Variants in COQ5 observed in about 807,000 individuals in gnomAD.
COQ5 encodes 2-methoxy-6-polyprenyl-1,4-benzoquinol methylase, mitochondrial.
In COQ5, 27 loss-of-function variants were observed where a neutral mutation model predicts 40.5. That is an observed-to-expected ratio of 0.67 (90% CI 0.49 to 0.92). COQ5 has a LOEUF of 0.92. Ranked by LOEUF, COQ5 falls within the 40% of genes least tolerant of loss-of-function variation. The probability of loss-of-function intolerance (pLI) is 0.00; values close to 1 mark genes in which losing one functional copy is unlikely to be tolerated. For synonymous variants in COQ5, 141 were observed against 150.0 expected, an observed-to-expected ratio of 0.94 and a Z score of 0.44; for missense variants, 409 against 406.4, an observed-to-expected ratio of 1.01 and a Z score of -0.06.
In COQ5 at chr12:120,529,117, G is replaced by A. The variant is rs750386888; in HGVS notation, c.25C>T (p.Leu9=). MAAPGSCA[L]WSYCGRGWSR... ...CACCCACGGCCGCAATAGCTCCATA[G>A]AGCACAGCTCCCGGGGGCCGCCATC... The change falls in exon 1 of 7, where the codon CTA becomes TTA. Residue 9 remains leucine, a synonymous_variant. Coordinates refer to ENST00000288532, the MANE Select transcript of COQ5 (RefSeq NM_032314.4). 6.2e-6 allele frequency: 10 copies of A among 1,613,874 alleles called. No homozygotes were observed. Among genetic ancestry groups the A allele is most frequent in the South Asian group, 3.3e-5 (3 of 91,090 alleles).
chr12:120,512,745 T>C (rs901705349), intron 3 of COQ5, among the ~76,000 whole-genome samples: 3 of 152,120 alleles, frequency 2.0e-5, no homozygotes, highest in Non-Finnish European at 2.9e-5. Flanking sequence ...GAATTATGGT[T>C]AACATTTACT....
rs750062998 is a variant in COQ5, at chr12:120,516,806, G to A, written c.353-18C>T. 1.3e-6 allele frequency: 2 copies of A among 1,598,034 alleles called. No homozygotes were observed. The highest frequency in any genetic ancestry group is 2.2e-5 in the East Asian group (1 of 44,826). The stretch of plus-strand genomic sequence containing the variant: ...AATGTCACCTGTGGGAAGCCAACAT[G>A]AGGAAAGATGCAGACTAAAACAAAA... On this transcript the variant is annotated intron_variant, in intron 2 of 6. Transcript: ENST00000288532.
intron 1 of COQ5, chr12:120,523,153 A>G (rs1386503677): frequency 3.8e-6 from 1 of 262,488 alleles, no homozygotes; most frequent in Non-Finnish European, 7.1e-6. Context: ...CCTGGCTAAC[A>G]TGGTGAAACC....
intron 1 of COQ5, among the ~76,000 whole-genome samples, chr12:120,528,664 C>A (rs1870078180): frequency 6.6e-6 from 1 of 151,924 alleles, no homozygotes; most frequent in South Asian, 2.1e-4. Context: ...GTTAGCCGGG[C>A]GTGCTGGCGG....
rs1194243539 is a variant in COQ5 at position 120,503,508 on chromosome 12, C to T, written c.*276G>A. 2 of 571,818 alleles carry T rather than the reference C, an allele frequency of 3.5e-6. No homozygotes were observed. The highest frequency in any genetic ancestry group is 4.0e-5 in the East Asian group (1 of 24,918). The allele number at this position is 571,818 out of a possible 1,614,324, so 35.4% of individuals were successfully genotyped here. On this transcript the variant is annotated 3_prime_UTR_variant, in exon 7 of 7. Coordinates refer to ENST00000288532, the MANE Select transcript of COQ5 (RefSeq NM_032314.4). ...AAACTGAGCTTTAGGGGTGGTTGTA[C>T]CTTAACCACACACCCTACAGCCAAG...
At chr12:120,520,143 A>T (rs1009256533) in intron 2 of COQ5, among the ~76,000 whole-genome samples, 11 of 150,734 alleles carry the variant, frequency 7.3e-5, no homozygotes, top group South Asian at 2.1e-4. Context: ...GTATTTATTT[A>T]TTATTATTAT....
At position 120,528,798 on chromosome 12, in the gene COQ5, CT is replaced by C. The variant is rs1384800798; in HGVS notation, c.202+141del. ...CAGTGTGGGCAACAAGAGCGAAATT[CT>C]GTCTCCAAAAAAAAAAAAAATCATA... is the stretch of plus-strand genomic sequence containing the variant. On this transcript the variant is annotated intron_variant, in intron 1 of 6. Coordinates refer to ENST00000288532, the MANE Select transcript of COQ5 (RefSeq NM_032314.4). The C allele has an allele frequency of 1.5e-5, 12 of 783,116 alleles. No homozygotes were observed. The African/African-American group carries it at 1.8e-4, about 12-fold the overall frequency. The allele number at this position is 783,116 out of a possible 1,614,324, so 48.5% of individuals were successfully genotyped here.
chr12:120,520,293 G>A (rs1026423941), intron 2 of COQ5, among the ~76,000 whole-genome samples: 13 of 149,198 alleles, frequency 8.7e-5, no homozygotes, highest in African/African-American at 1.2e-4. Context: ...ACAGACGCCC[G>A]CCACCTTGCC....
intron 2 of COQ5, among the ~76,000 whole-genome samples, chr12:120,517,108 AGGCTGAGACTGG>A (rs1449987067): frequency 6.6e-6 from 1 of 152,048 alleles, no homozygotes; most frequent in Non-Finnish European, 1.5e-5. Context: ...GCACTTTGGG[AGGCTGAGACTGG>A]GGGATCACCT....
At chr12:120,520,949 C>G (rs943111537) in intron 2 of COQ5, among the ~76,000 whole-genome samples, 1 of 151,730 alleles carries the variant, frequency 6.6e-6, no homozygotes, top group Non-Finnish European at 1.5e-5. Flanking sequence ...AAAGGCTTCT[C>G]TCATCCCCTA....
At chr12:120,518,668 A>G (rs954272560) in intron 2 of COQ5, among the ~76,000 whole-genome samples, 5 of 151,768 alleles carry the variant, frequency 3.3e-5, no homozygotes, top group African/African-American at 1.2e-4. Flanking sequence ...AGGTTAAAGC[A>G]ATTCTCCTGC....
chr12:120,521,825 C>T (rs773101450), intron 2 of COQ5, among the ~76,000 whole-genome samples: 2 of 152,056 alleles, frequency 1.3e-5, no homozygotes, highest in African/African-American at 2.4e-5. Context: ...AGTGAAACCC[C>T]GTCTCTACTA....
At chr12:120,521,271 TG>T (rs1207662286) in intron 2 of COQ5, among the ~76,000 whole-genome samples, 1 of 152,022 alleles carries the variant, frequency 6.6e-6, no homozygotes, top group Non-Finnish European at 1.5e-5. Flanking sequence ...TTCACCATGT[TG>T]GCCAGTCTGG....
intron 3 of COQ5, among the ~76,000 whole-genome samples, chr12:120,514,426 G>A (rs1026218171): frequency 3.3e-5 from 5 of 152,070 alleles, no homozygotes; most frequent in African/African-American, 1.2e-4. Flanking sequence ...TGGCCAGCAT[G>A]GAAGAGGGCA....
intron 2 of COQ5, among the ~76,000 whole-genome samples, chr12:120,517,653 G>A (rs952543358): frequency 6.6e-6 from 1 of 150,442 alleles, no homozygotes; most frequent in Non-Finnish European, 1.5e-5. Flanking sequence ...CTGCACTCCA[G>A]CCTGGGCGAC....
chr12:120,508,748 AGGCGTGGT>A (rs1868995010), intron 4 of COQ5, among the ~76,000 whole-genome samples: 1 of 151,976 alleles, frequency 6.6e-6, no homozygotes, highest in African/African-American at 2.4e-5. Flanking sequence ...TTTTTTCCCC[AGGCGTGGT>A]GGCTCACGAC....
At chr12:120,509,211 A>G (rs1869019025) in intron 4 of COQ5, among the ~76,000 whole-genome samples, 1 of 151,496 alleles carries the variant, frequency 6.6e-6, no homozygotes, top group Non-Finnish European at 1.5e-5. Flanking sequence ...AGTGTTTTGA[A>G]CAGAATATTA....
chr12:120,519,870 CA>C (rs1176340696), intron 2 of COQ5, among the ~76,000 whole-genome samples: 48,450 of 99,318 alleles, frequency 0.49, 9,296 homozygotes, highest in Admixed American at 0.52. Context: ...GACTTGGACT[CA>C]AAAAAAAAAA....
intron 3 of COQ5, among the ~76,000 whole-genome samples, chr12:120,515,645 G>T (rs952288199): frequency 5.3e-5 from 8 of 152,162 alleles, no homozygotes; most frequent in African/African-American, 1.9e-4. Flanking sequence ...GGGAGAGGAA[G>T]AAAGACTGAG....
Sources: allele counts gnomAD v4.1 joint callset (sites outside exome capture counted in the v4.1 genomes callset), GRCh38; gene constraint gnomAD v4.1.1; transcripts MANE v1.5; gene names NCBI Gene and HGNC (gene_info 2026-07-23, HGNC 2026-07-21).